The following CEP152 variants were observed in gnomAD, a reference collection of about 807,000 sequenced individuals.
CEP152 encodes centrosomal protein of 152 kDa.
CEP152 carries 132 observed loss-of-function variants against 188.9 expected under a neutral mutation model. The ratio of observed to expected loss-of-function variants is 0.70; its 90% CI spans 0.61 to 0.81. The LOEUF (loss-of-function observed/expected upper bound fraction) is 0.81. CEP152 is among the 30% of genes least tolerant of loss of function. CEP152 has a pLI of 0.00. For missense variants in CEP152, 1,914 were observed against 1,969.8 expected (o/e 0.97, Z 0.54); for synonymous variants, 649 against 666.6 (o/e 0.97, Z 0.41).
At chr15:48,734,896 A>G (rs955798231), downstream of CEP152, among the ~76,000 whole-genome samples, 2 of 152,344 alleles carry the variant, frequency 1.3e-5, no homozygotes, top group East Asian at 3.9e-4. Flanking sequence ...GACAGAATTG[A>G]AAGAAAAAAG....
rs755835212 is a variant in CEP152 at position 48,742,088 on chromosome 15, C to T, written c.3848G>A (p.Arg1283His). 1.2e-5 allele frequency: 19 copies of T among 1,613,876 alleles called. No individual in the cohort carries two copies. Among genetic ancestry groups the T allele is most frequent in the East Asian group, 6.7e-5 (3 of 44,888 alleles). The change falls in exon 25 of 27, where the codon CGT (arginine) becomes CAT (histidine). Residue 1283 changes from arginine to histidine, a missense_variant. Physicochemically the swap from Arg to His is conservative, Grantham distance 29. Transcript: ENST00000380950. ...AVKKIKCDML[R>H]YIQESKERAA... is the part of the protein sequence containing the mutation. The stretch of plus-strand genomic sequence containing the variant: ...TCGTTCCTTACTCTCCTGAATATAA[C>T]GAAGCATGTCACCTATAGGGAAGTG...
chr15:48,772,666 C>T lies in CEP152; in HGVS notation c.1603G>A (p.Glu535Lys). The T allele has an allele frequency of 6.2e-7, 1 of 1,614,044 alleles. No homozygotes were observed. The highest frequency in any genetic ancestry group is 2.2e-5 in the East Asian group (1 of 44,862). ...TSIVQEEDPNEELSKDEFILK... is the reference protein window; with the variant it reads ...TSIVQEEDPNKELSKDEFILK... ...ATGAACTCATCTTTTGAAAGCTCTT[C>T]ATTTGGGTCTTCTTCTTGTACAATG... Residue 535 changes from glutamate (E) to lysine (K), a missense_variant, in exon 13 of 27, where the codon GAA (glutamate) becomes AAA (lysine). Transcript: ENST00000380950.
At chr15:48,762,764 T>TG in intron 17 of CEP152, 92 bp from the exon 18 acceptor site, 1 of 1,273,280 alleles carries the variant, frequency 7.9e-7, no homozygotes, top group Non-Finnish European at 1.1e-6. Flanking sequence ...ACCACAGCTG[T>TG]GTTTGAAAAC....
chr15:48,805,612 T>A lies in CEP152; in HGVS notation c.38A>T (p.Gln13Leu). The A allele has an allele frequency of 1.2e-6, 2 of 1,613,734 alleles. No homozygotes were observed. Among genetic ancestry groups the A allele is most frequent in the Non-Finnish European group, 1.7e-6 (2 of 1,179,918 alleles). The change falls in exon 2 of 27, where the codon CAA becomes CTA. Residue 13 changes from glutamine (Q) to leucine (L), a missense_variant. Coordinates refer to ENST00000380950, the MANE Select transcript of CEP152 (RefSeq NM_001194998.2). ...TTCGTCATACTCTTCATCTTCATTT[T>A]GCACTGGTAGTGCCACACTGCCAAA... The part of the protein sequence containing the change: ...LDFGSVALPV[Q>L]NEDEEYDEED...
At chr15:48,773,554 A>G (rs1895698299) in intron 12 of CEP152, 1 of 152,300 alleles carries the variant, frequency 6.6e-6, no homozygotes, top group African/African-American at 2.4e-5. Flanking sequence ...GAAGCTGCAC[A>G]GAAAAAGAGC....
chr15:48,800,842 T>G (rs1392882917), intron 2 of CEP152, among the ~76,000 whole-genome samples: 2 of 152,208 alleles, frequency 1.3e-5, no homozygotes, highest in Non-Finnish European at 2.9e-5. Context: ...TACTTCATGT[T>G]TCTTTCTTAA....
At chr15:48,778,296 C>A (rs1427251672) in intron 12 of CEP152, among the ~76,000 whole-genome samples, 1 of 152,176 alleles carries the variant, frequency 6.6e-6, no homozygotes, top group Non-Finnish European at 1.5e-5. Flanking sequence ...CAACAAAGAA[C>A]TAAAATTCCC....
intron 21 of CEP152, among the ~76,000 whole-genome samples, chr15:48,749,547 A>G (rs893316274): frequency 1.3e-5 from 2 of 152,126 alleles, no homozygotes; most frequent in South Asian, 2.1e-4. Context: ...AACCTCACCA[A>G]TAAGACATAT....
At chr15:48,759,873 C>T (rs192030382) in intron 19 of CEP152, among the ~76,000 whole-genome samples, 7 of 152,266 alleles carry the variant, frequency 4.6e-5, no homozygotes, top group Admixed American at 4.6e-4. Context: ...TACCTGTTCT[C>T]AATTTCATCT....
rs1241180777 is a variant in CEP152 at position 48,788,921 on chromosome 15, T to A, written c.1053A>T (p.Ser351=). 3.1e-6 allele frequency: 5 copies of A among 1,614,014 alleles called. No homozygotes were observed. The Admixed American group carries it at 6.7e-5, about 22-fold the overall frequency. The part of the protein sequence containing the change: ...QQLVDLHHSE[S]LQRAREQHES... ...CATGCTGTTCTCTAGCTCGTTGAAG[T>A]GATTCAGAATGATGAAGGTCCACCA... The change falls in exon 9 of 27, where the codon TCA becomes TCT. Residue 351 remains serine (S), a synonymous_variant. Transcript: ENST00000380950.
intron 2 of CEP152, 174 bp downstream of exon 2, chr15:48,805,389 T>C: frequency 1.3e-6 from 1 of 747,364 alleles, no homozygotes; most frequent in East Asian, 3.0e-5. Context: ...AACAGAAGCA[T>C]TCCACTTATT....
At chr15:48,759,050 T>C (rs1484283638) in intron 19 of CEP152, among the ~76,000 whole-genome samples, 1 of 152,152 alleles carries the variant, frequency 6.6e-6, no homozygotes, top group Non-Finnish European at 1.5e-5. Context: ...CCCTCTTAAA[T>C]TTCCTTTTAA....
chr15:48,741,751 T>C (rs1246408646), intron 25 of CEP152, 47 bp from the exon 26 acceptor site: 1 of 1,612,710 alleles, frequency 6.2e-7, no homozygotes, highest in Non-Finnish European at 8.5e-7. Flanking sequence ...AAGGAAAAAA[T>C]GAGTTGCCTT....
downstream of CEP152, among the ~76,000 whole-genome samples, chr15:48,734,872 A>T (rs1892545356): frequency 6.6e-6 from 1 of 152,246 alleles, no homozygotes; most frequent in African/African-American, 2.4e-5. Flanking sequence ...TTCAAAATAC[A>T]TGAAGCAAGA....
At chr15:48,781,803 A>T (rs1424654233) in intron 11 of CEP152, among the ~76,000 whole-genome samples, 1 of 152,172 alleles carries the variant, frequency 6.6e-6, no homozygotes, top group Non-Finnish European at 1.5e-5. Flanking sequence ...TGTAAATAGC[A>T]CTGGAGGAGG....
chr15:48,749,747 G>C (rs1893739335), intron 21 of CEP152, among the ~76,000 whole-genome samples: 2 of 151,942 alleles, frequency 1.3e-5, no homozygotes, highest in African/African-American at 4.8e-5. Flanking sequence ...ACAAAGAGAG[G>C]CTGTGGAAAT....
chr15:48,807,629 G>GA (rs913544625), intron 1 of CEP152, among the ~76,000 whole-genome samples: 5 of 151,204 alleles, frequency 3.3e-5, no homozygotes, highest in Non-Finnish European at 7.4e-5. Context: ...CCTCCAGGCA[G>GA]AAAAAATCCT....
intron 6 of CEP152, among the ~76,000 whole-genome samples, chr15:48,795,231 C>A (rs1345268223): frequency 6.6e-6 from 1 of 151,954 alleles, no homozygotes; most frequent in Non-Finnish European, 1.5e-5. Context: ...TTCTCTAGTA[C>A]CTATAAGCAC....
downstream of CEP152, among the ~76,000 whole-genome samples, chr15:48,735,610 C>T (rs1595576539): frequency 1.3e-5 from 2 of 152,306 alleles, no homozygotes; most frequent in South Asian, 4.1e-4. Context: ...CGGCACACGC[C>T]TGTAGTCCCA....
Sources: allele counts gnomAD v4.1 joint callset (sites outside exome capture counted in the v4.1 genomes callset), GRCh38; gene constraint gnomAD v4.1.1; transcripts MANE v1.5; gene names NCBI Gene and HGNC (gene_info 2026-07-23, HGNC 2026-07-21).